Variants in ITPRID2 observed in about 807,000 individuals in gnomAD.
ITPRID2 encodes ITPR interacting domain containing 2, also known as protein ITPRID2.
Under a neutral mutation model 124.3 loss-of-function variants are expected in ITPRID2, and 60 were observed. The observed-to-expected ratio is 0.48, with a 90% confidence interval of 0.39 to 0.60. ITPRID2 has a LOEUF of 0.60. Among genes scored for constraint, ITPRID2 ranks in the 20% least tolerant of loss-of-function variants. ITPRID2 has a pLI of 0.00. For synonymous variants in ITPRID2, 521 were observed against 542.9 expected (o/e 0.96, Z 0.56); for missense variants, 1,553 against 1,512.2 (o/e 1.03, Z -0.45).
chr2:181,896,975 T>G lies in ITPRID2; in HGVS notation c.364+11T>G. 1 of 1,609,182 alleles carries G rather than the reference T, an allele frequency of 6.2e-7. No individual in the cohort carries two copies. Among genetic ancestry groups the G allele is most frequent in the Non-Finnish European group, 8.5e-7 (1 of 1,175,866 alleles). ...CATTGGGAGCTGAAGGTATGTTTGT[T>G]TGGAAGAACTGTATTTTTGTGTAGT... On this transcript the variant is annotated intron_variant, in intron 4 of 17. Coordinates refer to ENST00000431877, the MANE Select transcript of ITPRID2 (RefSeq NM_001130445.3). The surrounding 1 kb of genome is among the most constrained non-coding windows in gnomAD (Gnocchi z 4.3).
intron 15 of ITPRID2, among the ~76,000 whole-genome samples, chr2:181,921,216 G>A (rs2125108149): frequency 6.6e-6 from 1 of 151,692 alleles, no homozygotes; most frequent in African/African-American, 2.4e-5. Context: ...GGTGGCTCAT[G>A]CCTGTAATCC....
At chr2:181,911,709 C>T (rs1304406742) in intron 9 of ITPRID2, among the ~76,000 whole-genome samples, 1 of 152,166 alleles carries the variant, frequency 6.6e-6, no homozygotes, top group African/African-American at 2.4e-5. Flanking sequence ...ACAGAAGTGT[C>T]TGACTAAAGA....
At chr2:181,928,461 A>T (rs1163358084) in intron 17 of ITPRID2, among the ~76,000 whole-genome samples, 183 bp downstream of exon 17, 2 of 152,214 alleles carry the variant, frequency 1.3e-5, no homozygotes, top group African/African-American at 4.8e-5. Flanking sequence ...GTCAAATCCC[A>T]TAATACAAAT....
rs774893342 is a variant in ITPRID2 at position 181,902,346 on chromosome 2, T to C, written c.1293T>C (p.Asn431=). The change falls in exon 8 of 18, where the codon AAT becomes AAC. Residue 431 remains asparagine, a synonymous_variant. Transcript: ENST00000431877. This position sits in a 1 kb window ranked among gnomAD's most constrained non-coding sequence, Gnocchi z 4.4. Reference sequence around the variant, plus strand: ...TATCCAGCCACAGTGAGCTGGAAAATAGCAGTGAGCTGAAAAGTGTCCATA... The same window carrying C: ...TATCCAGCCACAGTGAGCTGGAAAACAGCAGTGAGCTGAAAAGTGTCCATA... ...FNISSHSELE[N]SSELKSVHIS... is the part of the protein sequence containing the mutation. 1.9e-6 allele frequency: 3 copies of C among 1,613,730 alleles called. No individual in the cohort carries two copies. The highest frequency in any genetic ancestry group is 2.5e-6 in the Non-Finnish European group (3 of 1,179,878).
intron 9 of ITPRID2, among the ~76,000 whole-genome samples, chr2:181,913,642 T>C (rs1274372773): frequency 6.6e-6 from 1 of 152,208 alleles, no homozygotes; most frequent in Non-Finnish European, 1.5e-5. Flanking sequence ...AGTTTTTGTT[T>C]GAATTTGAGT....
Position 181,902,922 on chromosome 2 carries a change from G to T in ITPRID2, c.1413+456G>T, listed in dbSNP as rs1692795827. On this transcript the variant is annotated intron_variant, in intron 8 of 17. Transcript: ENST00000431877. This position sits in a 1 kb window ranked among gnomAD's most constrained non-coding sequence, Gnocchi z 4.4. The stretch of plus-strand genomic sequence containing the variant: ...AAGGATATGTGAAGGCGGCTTTGGG[G>T]ATAGTTCTTGTTATATGACTGGAAA... Among the ~76,000 whole-genome samples the T allele has an allele frequency of 6.6e-6, 1 of 152,110 alleles. No homozygotes were observed.
intron 2 of ITPRID2, chr2:181,894,230 G>A (rs1458946502): frequency 5.3e-5 from 8 of 152,188 alleles, no homozygotes; most frequent in Non-Finnish European, 1.0e-4. Context: ...CTATCAATTA[G>A]ACAGTAAATA....
Position 181,916,037 on chromosome 2 carries a change from C to T in ITPRID2, c.2397C>T (p.Thr799=). 1 of 1,614,146 alleles carries T rather than the reference C, an allele frequency of 6.2e-7. No homozygotes were observed. Among genetic ancestry groups the T allele is most frequent in the East Asian group, 2.2e-5 (1 of 44,880 alleles). ...ATGGTCAGTCTTTAGTTAAATCGAC[C>T]ATTTTCATCTCTCCATCATCTGTGA... ...EHDGQSLVKS[T]IFISPSSVKK... is the part of the protein sequence containing the mutation. The change falls in exon 11 of 18, where the codon ACC becomes ACT. Residue 799 remains threonine, a synonymous_variant. Transcript: ENST00000431877.
chr2:181,899,991 C>G (rs1558982527), intron 6 of ITPRID2, among the ~76,000 whole-genome samples: 1 of 152,206 alleles, frequency 6.6e-6, no homozygotes, highest in East Asian at 1.9e-4. Context: ...TGAAATGTCT[C>G]TCTGTTGAAG....
chr2:181,925,394 T>C (rs562190025), intron 16 of ITPRID2, among the ~76,000 whole-genome samples: 2 of 152,324 alleles, frequency 1.3e-5, no homozygotes, highest in East Asian at 3.9e-4. Context: ...CAGGGTAGTT[T>C]CCTCACTTCT....
At position 181,914,517 on chromosome 2, in the gene ITPRID2, A is replaced by G. The variant is rs572601447; in HGVS notation, c.1575+584A>G. Among the ~76,000 whole-genome samples the G allele has an allele frequency of 2.6e-5, 4 of 152,326 alleles. No homozygotes were observed. The East Asian group carries it at 7.7e-4, about 29-fold the overall frequency. On this transcript the variant is annotated intron_variant, in intron 10 of 17. Coordinates refer to ENST00000431877, the MANE Select transcript of ITPRID2 (RefSeq NM_001130445.3). ...TTTAGGAACATAGCATTTAAGGGGT[A>G]AACAGACAAGAGGCATATGTAAGTT...
rs763756246 is a variant in ITPRID2 at position 181,910,896 on chromosome 2, G to A, written c.1486+925G>A. On this transcript the variant is annotated intron_variant, in intron 9 of 17. Transcript: ENST00000431877. This position sits in a 1 kb window ranked among gnomAD's most constrained non-coding sequence, Gnocchi z 4.1. ...TTTACTATTTAATTTTCTTCCCCTT[G>A]TAAGTTCATAAATTTATGTATGTGT... Among the ~76,000 whole-genome samples, 6 of 152,026 alleles carry A rather than the reference G, an allele frequency of 3.9e-5. No individual in the cohort carries two copies. The highest frequency in any genetic ancestry group is 7.4e-5 in the Non-Finnish European group (5 of 67,996).
intron 16 of ITPRID2, 49 bp downstream of exon 16, chr2:181,922,461 G>A: frequency 6.9e-7 from 1 of 1,450,492 alleles, no homozygotes; most frequent in African/African-American, 1.4e-5. Flanking sequence ...ATATGTTAGA[G>A]GAGATTTTGT....
rs377480822 is a variant in ITPRID2 at position 181,901,996 on chromosome 2, A to G, written c.943A>G (p.Ser315Gly). ...CVDKTEKGES[S>G]SPSPSAEKGK... Reference sequence around the variant, plus strand: ...TGATAAAACAGAGAAAGGAGAAAGTAGTAGTCCTTCTCCATCAGCTGAAAA... The same window carrying G: ...TGATAAAACAGAGAAAGGAGAAAGTGGTAGTCCTTCTCCATCAGCTGAAAA... The change falls in exon 8 of 18, where the codon AGT (serine) becomes GGT (glycine). Residue 315 changes from serine to glycine, a missense_variant. Ser to Gly is a moderately conservative substitution (Grantham distance 56). Coordinates refer to ENST00000431877, the MANE Select transcript of ITPRID2 (RefSeq NM_001130445.3). The G allele has an allele frequency of 5.8e-5, 94 of 1,613,704 alleles. No individual in the cohort carries two copies. The highest frequency in any genetic ancestry group is 3.3e-4 in the Middle Eastern group (2 of 6,084).
In ITPRID2 at chr2:181,909,614, C is replaced by T. The variant is rs1334809689; in HGVS notation, c.1414-285C>T. Among the ~76,000 whole-genome samples the T allele has an allele frequency of 2.0e-5, 3 of 152,134 alleles. 1 individual carries two copies. In the East Asian group the frequency reaches 5.8e-4, roughly 29 times the overall value. On this transcript the variant is annotated intron_variant, in intron 8 of 17. Coordinates refer to ENST00000431877, the MANE Select transcript of ITPRID2 (RefSeq NM_001130445.3). Reference sequence around the variant, plus strand: ...TTTACTATTTAAGAACTAACCGTTACAGGGTAAAATGATGGAAGCTAGTGC... The same window carrying T: ...TTTACTATTTAAGAACTAACCGTTATAGGGTAAAATGATGGAAGCTAGTGC...
At position 181,910,565 on chromosome 2, in the gene ITPRID2, G is replaced by A. The variant is rs189566541; in HGVS notation, c.1486+594G>A. On this transcript the variant is annotated intron_variant, in intron 9 of 17. Transcript: ENST00000431877. The surrounding 1 kb of genome is among the most constrained non-coding windows in gnomAD (Gnocchi z 4.1). Reference sequence around the variant, plus strand: ...ACAACAACAAAAATGTGTGATCTTTGGATTTACAAAACTTTTGAGCTTTAG... The same window carrying A: ...ACAACAACAAAAATGTGTGATCTTTAGATTTACAAAACTTTTGAGCTTTAG... 1.7e-3 allele frequency: 1,136 copies of A among 686,576 alleles called. 10 individuals are homozygous for A. The African/African-American group carries it at 0.018, about 11-fold the overall frequency. The allele number at this position is 686,576 out of a possible 1,614,324, so 42.5% of individuals were successfully genotyped here. A position where few individuals can be genotyped will look rare whatever the true frequency, so the allele number is the denominator to read the frequency against.
At chr2:181,909,326 G>A (rs1693411372) in intron 8 of ITPRID2, among the ~76,000 whole-genome samples, 1 of 152,178 alleles carries the variant, frequency 6.6e-6, no homozygotes, top group African/African-American at 2.4e-5. Flanking sequence ...AAATTCTGCA[G>A]TGGTAGCACT....
At chr2:181,921,459 CAGAGTGAG>C (rs1694476045) in intron 15 of ITPRID2, among the ~76,000 whole-genome samples, 1 of 151,506 alleles carries the variant, frequency 6.6e-6, no homozygotes, top group Non-Finnish European at 1.5e-5. Context: ...GCCTGGGTGA[CAGAGTGAG>C]ACTCCATCTC....
At chr2:181,926,133 G>A (rs1042690220) in intron 16 of ITPRID2, among the ~76,000 whole-genome samples, 6 of 152,054 alleles carry the variant, frequency 3.9e-5, no homozygotes, top group Admixed American at 1.3e-4. Flanking sequence ...AATTAGCCAG[G>A]TGTGGTGGTA....
Sources: gnomAD v4.1 joint callset for allele counts (sites outside exome capture counted in the v4.1 genomes callset) on GRCh38, gnomAD v4.1.1 for gene constraint, Gnocchi (gnomAD v3.1) non-coding constraint, MANE v1.5 for transcripts, NCBI Gene and HGNC (gene_info 2026-07-23, HGNC 2026-07-21) for gene names.